MBNL1: variants seen among roughly 807,000 people sequenced by gnomAD.
The protein encoded by MBNL1 is muscleblind-like protein 1.
A neutral mutation model predicts 42.2 loss-of-function variants in MBNL1; 8 were observed. That is an observed-to-expected ratio of 0.19 (90% CI 0.11 to 0.34). The LOEUF is 0.34. Among genes scored for constraint, MBNL1 ranks in the 10% least tolerant of loss-of-function variants. The pLI is 1.00. For synonymous variants in MBNL1, 169 were observed against 173.9 expected, an observed-to-expected ratio of 0.97 and a Z score of 0.22; for missense variants, 309 against 495.3, an observed-to-expected ratio of 0.62 and a Z score of 3.57.
At chr3:152,396,853 A>G (rs1010430706) in intron 2 of MBNL1, among the ~76,000 whole-genome samples, 1 of 152,218 alleles carries the variant, frequency 6.6e-6, no homozygotes, top group Non-Finnish European at 1.5e-5. Context: ...AGTATTTAGT[A>G]TAAATGAAGT....
intron 2 of MBNL1, among the ~76,000 whole-genome samples, chr3:152,377,964 G>C (rs888239442): frequency 3.3e-5 from 5 of 152,122 alleles, no homozygotes; most frequent in Non-Finnish European, 7.4e-5. Flanking sequence ...ATTATTTGAG[G>C]ACCTGCTGTA....
intron 9 of MBNL1, among the ~76,000 whole-genome samples, chr3:152,459,773 C>T (rs772573574): frequency 1.2e-4 from 18 of 152,060 alleles, no homozygotes; most frequent in Non-Finnish European, 2.5e-4. Context: ...ATGGGTGTAG[C>T]TGTGTTCCAG....
intron 1 of MBNL1, among the ~76,000 whole-genome samples, chr3:152,292,475 AG>A (rs1276117927): frequency 4.9e-4 from 75 of 152,348 alleles, no homozygotes; most frequent in African/African-American, 1.7e-3. Flanking sequence ...TGAATGGATC[AG>A]AATTCTAAAA....
intron 2 of MBNL1, among the ~76,000 whole-genome samples, chr3:152,332,727 TGTGTGTGTGTGTGC>T (rs1370630888): frequency 5.5e-4 from 72 of 131,032 alleles, no homozygotes; most frequent in Non-Finnish European, 6.6e-4. Context: ...TGTGTGTGTG[TGTGTGTGTGTGTGC>T]GCGCGCGCAT....
At chr3:152,257,676 A>G (rs190868480) in intron 2 of MBNL1, among the ~76,000 whole-genome samples, 1 of 152,120 alleles carries the variant, frequency 6.6e-6, no homozygotes, top group African/African-American at 2.4e-5. Context: ...TTTTTCAGGG[A>G]GGTAGGAGTA....
chr3:152,340,281 G>A lies in MBNL1; in HGVS notation c.174+39914G>A, dbSNP rs1489302658. 21 of 437,054 alleles carry A rather than the reference G, an allele frequency of 4.8e-5. No homozygotes were observed. The East Asian group carries it at 8.5e-4, about 18-fold the overall frequency. 27.1% of individuals were successfully genotyped at this position (437,054 alleles called of 1,614,324 possible). A position where few individuals can be genotyped will look rare whatever the true frequency, so the allele number is the denominator to read the frequency against. On this transcript the variant is annotated intron_variant, in intron 2 of 9. Coordinates refer to ENST00000324210, the MANE Select transcript of MBNL1 (RefSeq NM_021038.5). Reference sequence around the variant, plus strand: ...AGGCTGCAGGCATCACTGCACCCCAGCCTGGGCAATAGAGTGAGACCTTGT... The same window carrying A: ...AGGCTGCAGGCATCACTGCACCCCAACCTGGGCAATAGAGTGAGACCTTGT...
At chr3:152,307,842 G>A (rs17434350) in intron 2 of MBNL1, among the ~76,000 whole-genome samples, 19,778 of 152,092 alleles carry the variant, frequency 0.13, 1,351 homozygotes, top group Middle Eastern at 0.18. Context: ...ATAGTACAGG[G>A]CCTAAAACAG....
chr3:152,421,061 AT>A (rs1399684300), intron 3 of MBNL1, among the ~76,000 whole-genome samples: 1 of 152,202 alleles, frequency 6.6e-6, no homozygotes, highest in Non-Finnish European at 1.5e-5. Flanking sequence ...TGAAGACAAG[AT>A]TAGAGAAAAA....
intron 2 of MBNL1, among the ~76,000 whole-genome samples, chr3:152,394,914 A>C (rs1323394204): frequency 1.3e-5 from 2 of 152,130 alleles, no homozygotes; most frequent in African/African-American, 4.8e-5. Flanking sequence ...AGTGGAGCGC[A>C]GTGGAGCGAT....
intron 2 of MBNL1, among the ~76,000 whole-genome samples, chr3:152,311,869 C>G (rs2066720783): frequency 6.6e-6 from 1 of 151,202 alleles, no homozygotes; most frequent in East Asian, 1.9e-4. Flanking sequence ...TATTTAGTAG[C>G]TATCAGATTG....
chr3:152,413,454 A>G (rs1247024748), intron 2 of MBNL1, among the ~76,000 whole-genome samples: 1 of 152,144 alleles, frequency 6.6e-6, no homozygotes. Flanking sequence ...AGCTCATGAG[A>G]CCTGTAAGGT....
chr3:152,407,204 ATGT>A (rs1181591375), intron 2 of MBNL1, among the ~76,000 whole-genome samples: 3 of 95,886 alleles, frequency 3.1e-5, no homozygotes, highest in Admixed American at 2.5e-4. Context: ...CAGTGGAAAT[ATGT>A]TCTTTTTTTT....
At chr3:152,458,957 G>A (rs766288691) in intron 8 of MBNL1, 1 of 159,810 alleles carries the variant, frequency 6.3e-6, no homozygotes, top group Non-Finnish European at 1.3e-5. Flanking sequence ...ACGGGGGTGC[G>A]TGTGTGTGTG....
intron 3 of MBNL1, among the ~76,000 whole-genome samples, chr3:152,419,391 G>C (rs977350260): frequency 6.6e-5 from 10 of 152,110 alleles, no homozygotes; most frequent in Non-Finnish European, 1.3e-4. Context: ...CATCTCACTG[G>C]GACTGGTTAG....
In MBNL1 at chr3:152,464,359, TGTCA is replaced by T. The variant is rs934782981; in HGVS notation, c.*1998_*2001del. ...CTGATTTAATATTACAGTGTAAGAATGTCAGTCATTGTTAGTTCTTGTCTAGTTT... is the reference window on the plus strand; with the variant it reads ...CTGATTTAATATTACAGTGTAAGAATGTCATTGTTAGTTCTTGTCTAGTTT... On this transcript the variant is annotated 3_prime_UTR_variant, in exon 10 of 10. Coordinates refer to ENST00000324210, the MANE Select transcript of MBNL1 (RefSeq NM_021038.5). The T allele has an allele frequency of 1.4e-4, 22 of 152,582 alleles. No homozygotes were observed. Among genetic ancestry groups the T allele is most frequent in the Admixed American group, 1.0e-3 (16 of 15,282 alleles). 9.5% of individuals were successfully genotyped at this position (152,582 alleles called of 1,614,324 possible). A position where few individuals can be genotyped will look rare whatever the true frequency, so the allele number is the denominator to read the frequency against.
chr3:152,436,502 T>A (rs1004322482), intron 4 of MBNL1, among the ~76,000 whole-genome samples: 1 of 152,214 alleles, frequency 6.6e-6, no homozygotes, highest in Non-Finnish European at 1.5e-5. Context: ...TATTGGATCC[T>A]CAGCATGTGA....
intron 2 of MBNL1, chr3:152,262,996 A>G (rs1416942409): frequency 1.3e-5 from 2 of 152,238 alleles, no homozygotes; most frequent in Non-Finnish European, 2.9e-5. Context: ...GTTTATAAAT[A>G]TATTACACAT....
chr3:152,293,309 C>T (rs2057003445), intron 1 of MBNL1, among the ~76,000 whole-genome samples: 1 of 152,160 alleles, frequency 6.6e-6, no homozygotes, highest in Non-Finnish European at 1.5e-5. Context: ...GTTCAGATGG[C>T]AGTTCTTCCC....
intron 3 of MBNL1, among the ~76,000 whole-genome samples, chr3:152,419,062 A>G (rs564293554): frequency 6.6e-6 from 1 of 152,308 alleles, no homozygotes; most frequent in African/African-American, 2.4e-5. Flanking sequence ...AGATGAGAAA[A>G]TAAGTAGTAG....
Sources: allele counts gnomAD v4.1 joint callset (sites outside exome capture counted in the v4.1 genomes callset), GRCh38; gene constraint gnomAD v4.1.1; transcripts MANE v1.5; gene names NCBI Gene and HGNC (gene_info 2026-07-23, HGNC 2026-07-21).